TEC: variants seen among roughly 807,000 people sequenced by gnomAD.
The protein encoded by TEC is tec protein tyrosine kinase, also known as tyrosine-protein kinase Tec.
TEC carries 72 observed loss-of-function variants against 93.0 expected under a neutral mutation model. The observed-to-expected ratio is 0.77, with a 90% CI of 0.64 to 0.94. TEC has a LOEUF of 0.94. Among genes scored for constraint, TEC ranks in the 40% least tolerant of loss-of-function variants. The pLI is 0.00. For missense variants in TEC, 630 were observed against 757.9 expected, an observed-to-expected ratio of 0.83 and a Z score of 1.98; for synonymous variants, 249 against 247.7, an observed-to-expected ratio of 1.01 and a Z score of -0.05.
intron 1 of TEC, among the ~76,000 whole-genome samples, chr4:48,229,623 A>C (rs936920177): frequency 1.3e-5 from 2 of 152,004 alleles, no homozygotes; most frequent in Non-Finnish European, 2.9e-5. Flanking sequence ...TAAAATAACA[A>C]AAATTAGCTG....
intron 1 of TEC, among the ~76,000 whole-genome samples, chr4:48,253,272 C>A (rs1202594794): frequency 6.6e-6 from 1 of 152,186 alleles, no homozygotes; most frequent in Non-Finnish European, 1.5e-5. Flanking sequence ...CTAGCAGCAG[C>A]TGTCCTGTCT....
intron 2 of TEC, among the ~76,000 whole-genome samples, chr4:48,192,567 G>A (rs1418422921): frequency 6.6e-6 from 1 of 152,052 alleles, no homozygotes; most frequent in Admixed American, 6.5e-5. Context: ...GAAGTCTGGG[G>A]ATACTTGGAA....
At chr4:48,237,827 A>AC (rs1577664199) in intron 1 of TEC, among the ~76,000 whole-genome samples, 1 of 152,350 alleles carries the variant, frequency 6.6e-6, no homozygotes, top group East Asian at 1.9e-4. Flanking sequence ...TGACAAAGTT[A>AC]CCATTTGCAA....
chr4:48,212,049 A>T (rs1050409939), intron 2 of TEC, among the ~76,000 whole-genome samples: 2 of 148,164 alleles, frequency 1.3e-5, no homozygotes, highest in Non-Finnish European at 3.0e-5. Flanking sequence ...CAGCAAGCAG[A>T]GATCATGCCA....
chr4:48,220,637 C>A (rs544160771), intron 2 of TEC, among the ~76,000 whole-genome samples: 17 of 152,142 alleles, frequency 1.1e-4, no homozygotes, highest in African/African-American at 4.1e-4. Context: ...GCTAAATAAA[C>A]CTCTTTTATT....
chr4:48,242,508 T>A (rs1296349329), intron 1 of TEC, among the ~76,000 whole-genome samples: 1 of 152,226 alleles, frequency 6.6e-6, no homozygotes, highest in African/African-American at 2.4e-5. Flanking sequence ...CCTCCTACTA[T>A]CAGTGGGCAA....
At chr4:48,221,317 C>T (rs1723253546) in intron 2 of TEC, among the ~76,000 whole-genome samples, 1 of 152,126 alleles carries the variant, frequency 6.6e-6, no homozygotes, top group Admixed American at 6.5e-5. Flanking sequence ...GGGCGGTTAC[C>T]CCCATGCTGC....
chr4:48,194,761 C>G (rs1722234189), intron 2 of TEC, among the ~76,000 whole-genome samples: 1 of 152,166 alleles, frequency 6.6e-6, no homozygotes, highest in Non-Finnish European at 1.5e-5. Context: ...AATTGCCCAT[C>G]AACTCTCCCC....
rs539739502 is a variant in TEC, at chr4:48,225,341, A to T, written c.138+3136T>A. 1.3e-5 allele frequency among the ~76,000 whole-genome samples: 2 copies of T among 152,012 alleles called. 1 individual carries two copies. The highest frequency in any genetic ancestry group is 4.2e-4 in the South Asian group (2 of 4,788). ...AGGCACCTGCCACCACACCCAGCTA[A>T]TTTTTTTGTATGTTTAGTAGAGACG... On this transcript the variant is annotated intron_variant, in intron 2 of 17. Coordinates refer to ENST00000381501, the MANE Select transcript of TEC (RefSeq NM_003215.3).
chr4:48,212,118 T>A (rs377386796), intron 2 of TEC, among the ~76,000 whole-genome samples: 10,599 of 123,742 alleles, frequency 0.086, 506 homozygotes, highest in Middle Eastern at 0.13. Context: ...AAAATATATA[T>A]ATATATATAT....
chr4:48,137,183 A>C lies in TEC; in HGVS notation c.*233T>G. ...CAACTGTCACTCAAGTGCCTGAGGA[A>C]TGAATAGAAATGAGTGATTTTAATC... On this transcript the variant is annotated 3_prime_UTR_variant, in exon 18 of 18. Transcript: ENST00000381501. 2 of 511,386 alleles carry C rather than the reference A, an allele frequency of 3.9e-6. No individual in the cohort carries two copies. Among genetic ancestry groups the C allele is most frequent in the Non-Finnish European group, 7.0e-6 (2 of 287,460 alleles). The allele number at this position is 511,386 out of a possible 1,614,324, so 31.7% of individuals were successfully genotyped here. A position where few individuals can be genotyped will look rare whatever the true frequency, so the allele number is the denominator to read the frequency against.
At chr4:48,239,786 AAGAG>A (rs976835825) in intron 1 of TEC, among the ~76,000 whole-genome samples, 2 of 152,146 alleles carry the variant, frequency 1.3e-5, no homozygotes, top group Non-Finnish European at 2.9e-5. Context: ...ACAAAAATAA[AAGAG>A]AGAGATTCAG....
At chr4:48,151,941 C>G (rs1317743079) in intron 9 of TEC, among the ~76,000 whole-genome samples, 1 of 152,196 alleles carries the variant, frequency 6.6e-6, no homozygotes, top group East Asian at 1.9e-4. Context: ...TCAAATACCT[C>G]TCTGTCCAGT....
chr4:48,247,732 G>A (rs1413481725), intron 1 of TEC, among the ~76,000 whole-genome samples: 2 of 152,186 alleles, frequency 1.3e-5, no homozygotes, highest in African/African-American at 4.8e-5. Flanking sequence ...ATATGGAGGT[G>A]TGGGGTTTCT....
chr4:48,242,615 A>C (rs2109658349), intron 1 of TEC, among the ~76,000 whole-genome samples: 1 of 152,376 alleles, frequency 6.6e-6, no homozygotes, highest in Admixed American at 6.5e-5. Flanking sequence ...TGGAATCATA[A>C]GTTAACAAAC....
chr4:48,183,349 G>T (rs1721672313), intron 2 of TEC, among the ~76,000 whole-genome samples: 1 of 152,196 alleles, frequency 6.6e-6, no homozygotes, highest in Non-Finnish European at 1.5e-5. Context: ...GTGTCAACTT[G>T]AGTAGGCTAA....
chr4:48,264,939 C>T (rs1724594012), intron 1 of TEC, among the ~76,000 whole-genome samples: 1 of 151,970 alleles, frequency 6.6e-6, no homozygotes, highest in Non-Finnish European at 1.5e-5. Context: ...CTGCCTGAAC[C>T]CCAGACCTTC....
chr4:48,169,146 G>T (rs1438452730), intron 5 of TEC, among the ~76,000 whole-genome samples: 1 of 152,070 alleles, frequency 6.6e-6, no homozygotes, highest in African/African-American at 2.4e-5. Context: ...TTCCCCATGG[G>T]CATCCTTGAC....
In TEC at chr4:48,248,055, G is replaced by A. The variant is rs1724106344; in HGVS notation, c.-45-19396C>T. 2.0e-5 allele frequency among the ~76,000 whole-genome samples: 3 copies of A among 152,276 alleles called. No homozygotes were observed. The South Asian group carries it at 6.2e-4, about 32-fold the overall frequency. On this transcript the variant is annotated intron_variant, in intron 1 of 17. Coordinates refer to ENST00000381501, the MANE Select transcript of TEC (RefSeq NM_003215.3). ...GGTAAAAACTGAACACAGTCAATTAGCCTTGAGTCTTCCACAGGAGACACA... is the reference window on the plus strand; with the variant it reads ...GGTAAAAACTGAACACAGTCAATTAACCTTGAGTCTTCCACAGGAGACACA...
Sources: gnomAD v4.1 joint callset for allele counts (sites outside exome capture counted in the v4.1 genomes callset) on GRCh38, gnomAD v4.1.1 for gene constraint, MANE v1.5 for transcripts, NCBI Gene and HGNC (gene_info 2026-07-23, HGNC 2026-07-21) for gene names.